Variants in TENM2 observed in about 807,000 individuals in gnomAD.
TENM2 encodes teneurin-2.
TENM2 carries 52 observed loss-of-function variants against 245.2 expected under a neutral mutation model. That is an observed-to-expected ratio of 0.21 (90% CI 0.17 to 0.27). The LOEUF is 0.27. Among genes scored for constraint, TENM2 ranks in the 10% least tolerant of loss-of-function variants. TENM2 has a pLI of 1.00. For missense variants in TENM2, 3,046 were observed against 3,666.8 expected (o/e 0.83, Z 4.37); for synonymous variants, 1,363 against 1,438.9 (o/e 0.95, Z 1.19).
exon 22 of TENM2, chr5:168,216,817 G>A: frequency 6.2e-7 from 1 of 1,613,988 alleles, no homozygotes; most frequent in South Asian, 1.1e-5. Flanking sequence ...ATGCCACCAT[G>A]ATCCGGAAGG....
chr5:167,451,014 T>A (rs537796228), intron 2 of TENM2, among the ~76,000 whole-genome samples: 7 of 152,360 alleles, frequency 4.6e-5, no homozygotes, highest in Admixed American at 3.9e-4. Flanking sequence ...AAAATTGTTA[T>A]AACTGTTACC....
chr5:167,146,974 T>A, the TENM2 span, among the ~76,000 whole-genome samples: 2 of 152,164 alleles, frequency 1.3e-5, no homozygotes, highest in Non-Finnish European at 2.9e-5. Context: ...AGGAACACAT[T>A]CGCAGTGATA....
chr5:167,165,616 A>T, the TENM2 span, among the ~76,000 whole-genome samples: 1 of 152,186 alleles, frequency 6.6e-6, no homozygotes, highest in African/African-American at 2.4e-5. Context: ...CACAAAAAAA[A>T]TCTTATTCTG....
intron 12 of TENM2, among the ~76,000 whole-genome samples, chr5:168,155,367 A>T (rs1367144925): frequency 1.0e-4 from 3 of 29,084 alleles, no homozygotes; most frequent in Non-Finnish European, 1.8e-4. Flanking sequence ...AAAAACAAAC[A>T]AAAAAAAAAC....
intron 1 of TENM2, among the ~76,000 whole-genome samples, chr5:167,373,819 A>C (rs920970687): frequency 1.3e-5 from 2 of 152,182 alleles, no homozygotes; most frequent in African/African-American, 4.8e-5. Flanking sequence ...AACACCTAAA[A>C]TGCTGGGCTA....
chr5:167,393,307 GA>G (rs1245800147), intron 2 of TENM2, among the ~76,000 whole-genome samples: 1 of 152,052 alleles, frequency 6.6e-6, no homozygotes, highest in African/African-American at 2.4e-5. Flanking sequence ...AGTAGAAATA[GA>G]TAGGAGTTTG....
At chr5:167,986,471 T>C (rs1006073929) in intron 4 of TENM2, among the ~76,000 whole-genome samples, 1 of 152,120 alleles carries the variant, frequency 6.6e-6, no homozygotes, top group African/African-American at 2.4e-5. Flanking sequence ...ATGACATGAC[T>C]GGGAAGGGAA....
At chr5:167,566,598 A>C (rs1773923410) in intron 2 of TENM2, among the ~76,000 whole-genome samples, 1 of 152,202 alleles carries the variant, frequency 6.6e-6, no homozygotes, top group Non-Finnish European at 1.5e-5. Context: ...AACCTGTAGC[A>C]GTGAATGCGT....
intron 2 of TENM2, among the ~76,000 whole-genome samples, chr5:167,735,700 G>A (rs1760745911): frequency 6.6e-6 from 1 of 152,186 alleles, no homozygotes; most frequent in Admixed American, 6.5e-5. Context: ...TAGCTACTCA[G>A]GAGGCTGAGG....
the TENM2 span, among the ~76,000 whole-genome samples, chr5:167,034,209 A>T: frequency 6.6e-6 from 1 of 152,200 alleles, no homozygotes; most frequent in Non-Finnish European, 1.5e-5. Flanking sequence ...TTGAGGCATG[A>T]TAGATTCGCT....
chr5:168,212,720 A>G (rs1229553810), intron 20 of TENM2, among the ~76,000 whole-genome samples: 2 of 152,176 alleles, frequency 1.3e-5, no homozygotes, highest in Non-Finnish European at 2.9e-5. Flanking sequence ...ATTTGAGCCA[A>G]ATTTTAAAAA....
chr5:168,170,306 C>G (rs1206040575), intron 13 of TENM2, among the ~76,000 whole-genome samples: 1 of 152,148 alleles, frequency 6.6e-6, no homozygotes, highest in Non-Finnish European at 1.5e-5. Context: ...GAGTTTGAGA[C>G]CAGCCTGGCC....
intron 2 of TENM2, among the ~76,000 whole-genome samples, chr5:167,454,931 T>G (rs1301451433): frequency 6.6e-6 from 1 of 152,182 alleles, no homozygotes; most frequent in Non-Finnish European, 1.5e-5. Context: ...AAGGGATGCT[T>G]CTTCAAGGGG....
chr5:167,171,604 A>G, the TENM2 span, among the ~76,000 whole-genome samples: 1 of 152,160 alleles, frequency 6.6e-6, no homozygotes, highest in Non-Finnish European at 1.5e-5. Flanking sequence ...GAAGACAACT[A>G]TGTTACCCAA....
chr5:167,319,488 A>C (rs2127768258), intron 1 of TENM2, among the ~76,000 whole-genome samples: 1 of 152,320 alleles, frequency 6.6e-6, no homozygotes, highest in Admixed American at 6.5e-5. Flanking sequence ...TAGGATAGCT[A>C]TAGGGGAAAA....
chr5:167,282,558 A>T (rs1346823832), upstream of TENM2, among the ~76,000 whole-genome samples: 2 of 152,172 alleles, frequency 1.3e-5, no homozygotes, highest in African/African-American at 4.8e-5. Flanking sequence ...TTTTACAAAA[A>T]CTCTGTGGAG....
At chr5:167,565,590 A>G (rs1773855618) in intron 2 of TENM2, among the ~76,000 whole-genome samples, 1 of 152,234 alleles carries the variant, frequency 6.6e-6, no homozygotes, top group Admixed American at 6.5e-5. Context: ...TAACTGCACA[A>G]AGAAATGATA....
At chr5:167,364,324 C>T (rs553788061) in intron 1 of TENM2, among the ~76,000 whole-genome samples, 1 of 151,958 alleles carries the variant, frequency 6.6e-6, no homozygotes, top group Admixed American at 6.6e-5. Flanking sequence ...AGACAAAAAG[C>T]CTAGACAAAA....
At chr5:167,996,334 T>C (rs1224152930) in intron 5 of TENM2, among the ~76,000 whole-genome samples, 3 of 152,220 alleles carry the variant, frequency 2.0e-5, no homozygotes, top group South Asian at 4.1e-4. Flanking sequence ...TCAGACCCTC[T>C]CTGTGCCAAA....
Sources: gnomAD v4.1 joint callset for allele counts (sites outside exome capture counted in the v4.1 genomes callset) on GRCh38, gnomAD v4.1.1 for gene constraint, MANE v1.5 for transcripts, NCBI Gene and HGNC (gene_info 2026-07-23, HGNC 2026-07-21) for gene names.